The following GREM2 variants were observed in gnomAD, a reference collection of about 807,000 sequenced individuals.
GREM2 encodes gremlin 2, DAN family BMP antagonist.
A neutral mutation model predicts 14.2 loss-of-function variants in GREM2; 11 were observed. That is an observed-to-expected ratio of 0.78 (90% CI 0.49 to 1.28). GREM2 has a LOEUF of 1.28. Among genes scored for constraint, GREM2 ranks in the 50% most tolerant of loss-of-function variants. The pLI, the probability that GREM2 is intolerant of heterozygous loss-of-function variation, is 0.00. For missense variants in GREM2, 210 were observed against 218.5 expected, an observed-to-expected ratio of 0.96 and a Z score of 0.24; for synonymous variants, 98 against 97.6, an observed-to-expected ratio of 1.00 and a Z score of -0.02.
intron 1 of GREM2, among the ~76,000 whole-genome samples, chr1:240,510,361 C>G (rs1351854285): frequency 4.0e-5 from 4 of 99,164 alleles, no homozygotes; most frequent in African/African-American, 8.6e-5. Flanking sequence ...CAGAGCGAGA[C>G]TCCGTCGCAA....
At chr1:240,541,360 CA>C (rs1309865851) in intron 1 of GREM2, among the ~76,000 whole-genome samples, 6 of 152,146 alleles carry the variant, frequency 3.9e-5, no homozygotes, top group Non-Finnish European at 5.9e-5. Context: ...TGGGACTGGC[CA>C]GGGGCCCTAG....
chr1:240,500,307 T>G (rs1244784956), intron 1 of GREM2, among the ~76,000 whole-genome samples: 1 of 152,006 alleles, frequency 6.6e-6, no homozygotes, highest in Non-Finnish European at 1.5e-5. Flanking sequence ...ATAATCTTTT[T>G]TTTTTTTTCC....
At position 240,507,489 on chromosome 1, in the gene GREM2, T is replaced by C. The variant is rs371982792; in HGVS notation, c.-1-14013A>G. 5.3e-5 allele frequency among the ~76,000 whole-genome samples: 8 copies of C among 152,234 alleles called. No individual in the cohort carries two copies. The East Asian group carries it at 7.8e-4, about 15-fold the overall frequency. On this transcript the variant is annotated intron_variant, in intron 1 of 1. Coordinates refer to ENST00000318160, the MANE Select transcript of GREM2 (RefSeq NM_022469.4). ...CTGGGATTACAGGCATGTGCCACCA[T>C]GCCCGGCTAATTTTTGTATTTTTAG...
intron 1 of GREM2, among the ~76,000 whole-genome samples, chr1:240,544,358 A>G (rs919978715): frequency 3.3e-5 from 5 of 152,174 alleles, no homozygotes; most frequent in South Asian, 4.2e-4. Flanking sequence ...CATGTTAGCC[A>G]GGATGGTCTC....
At chr1:240,502,003 A>C (rs1461632527) in intron 1 of GREM2, among the ~76,000 whole-genome samples, 2 of 152,114 alleles carry the variant, frequency 1.3e-5, no homozygotes, top group Non-Finnish European at 2.9e-5. Context: ...AAGATTTTAG[A>C]CTGCTGCCCG....
chr1:240,579,218 G>C (rs1679433913), intron 1 of GREM2, among the ~76,000 whole-genome samples: 1 of 152,220 alleles, frequency 6.6e-6, no homozygotes. Flanking sequence ...CTAGAAGGTT[G>C]TGGAGAAGCC....
intron 1 of GREM2, among the ~76,000 whole-genome samples, chr1:240,529,675 TA>T (rs911355004): frequency 3.9e-5 from 6 of 152,096 alleles, no homozygotes; most frequent in African/African-American, 1.5e-4. Flanking sequence ...AATACATTTT[TA>T]ATGATTTTTT....
At chr1:240,532,835 C>T (rs188433122) in intron 1 of GREM2, among the ~76,000 whole-genome samples, 1 of 152,180 alleles carries the variant, frequency 6.6e-6, no homozygotes, top group African/African-American at 2.4e-5. Flanking sequence ...GTTTATTTCC[C>T]AAAGTCATGC....
At chr1:240,571,878 A>G (rs1035888574) in intron 1 of GREM2, among the ~76,000 whole-genome samples, 4 of 152,102 alleles carry the variant, frequency 2.6e-5, no homozygotes, top group African/African-American at 9.7e-5. Context: ...TTGTTTGAGC[A>G]CCAAGGAAAT....
At chr1:240,515,133 G>A (rs1014259467) in intron 1 of GREM2, among the ~76,000 whole-genome samples, 2 of 152,158 alleles carry the variant, frequency 1.3e-5, no homozygotes, top group Non-Finnish European at 2.9e-5. Flanking sequence ...AAATAGCAGC[G>A]GGAATGGGGA....
At chr1:240,601,777 C>T (rs1328316387) in intron 1 of GREM2, among the ~76,000 whole-genome samples, 5 of 151,978 alleles carry the variant, frequency 3.3e-5, no homozygotes, top group Non-Finnish European at 7.4e-5. Context: ...CATGGTGGCA[C>T]ATGCCTGTAA....
intron 1 of GREM2, among the ~76,000 whole-genome samples, chr1:240,529,995 T>C (rs982800466): frequency 2.0e-5 from 3 of 152,174 alleles, no homozygotes; most frequent in African/African-American, 7.2e-5. Context: ...GTAGGAAATA[T>C]TGGACTTGAA....
intron 1 of GREM2, among the ~76,000 whole-genome samples, chr1:240,536,272 G>C (rs1678466902): frequency 6.6e-6 from 1 of 152,152 alleles, no homozygotes; most frequent in Admixed American, 6.5e-5. Context: ...AAAGTGTGAG[G>C]TTTAAAACAT....
intron 1 of GREM2, among the ~76,000 whole-genome samples, chr1:240,585,381 C>T (rs544708373): frequency 1.1e-3 from 165 of 152,016 alleles, no homozygotes; most frequent in African/African-American, 3.5e-3. Flanking sequence ...GATTAAATAC[C>T]CTAATTTCTC....
chr1:240,607,521 G>A (rs1358870749), intron 1 of GREM2, among the ~76,000 whole-genome samples: 2 of 152,174 alleles, frequency 1.3e-5, no homozygotes, highest in African/African-American at 4.8e-5. Flanking sequence ...ACGTATGTTT[G>A]AAGACACATA....
chr1:240,599,069 G>C (rs1472820676), intron 1 of GREM2, among the ~76,000 whole-genome samples: 1 of 152,022 alleles, frequency 6.6e-6, no homozygotes, highest in Non-Finnish European at 1.5e-5. Flanking sequence ...AGGAGTTTGA[G>C]GCCAGCCTGG....
intron 1 of GREM2, among the ~76,000 whole-genome samples, chr1:240,521,425 G>A (rs1478825145): frequency 4.0e-5 from 6 of 151,530 alleles, no homozygotes; most frequent in South Asian, 4.2e-4. Context: ...AAAACAATTA[G>A]CCGGGCATGG....
chr1:240,525,861 G>A (rs1678211822), intron 1 of GREM2, among the ~76,000 whole-genome samples: 2 of 152,196 alleles, frequency 1.3e-5, no homozygotes, highest in African/African-American at 2.4e-5. Flanking sequence ...CAACAGGGAT[G>A]TGTTTCTTTC....
intron 1 of GREM2, among the ~76,000 whole-genome samples, chr1:240,596,591 G>A (rs1454751799): frequency 6.6e-6 from 1 of 152,086 alleles, no homozygotes; most frequent in Admixed American, 6.5e-5. Context: ...CAGCTACTCA[G>A]GAGGCTGAGG....
Sources: gnomAD v4.1 joint callset for allele counts (sites outside exome capture counted in the v4.1 genomes callset) on GRCh38, gnomAD v4.1.1 for gene constraint, MANE v1.5 for transcripts, NCBI Gene and HGNC (gene_info 2026-07-23, HGNC 2026-07-21) for gene names.